The following ROBO2 variants were observed in gnomAD, a reference collection of about 807,000 sequenced individuals.
ROBO2 encodes the protein roundabout homolog 2.
Under a neutral mutation model 160.8 loss-of-function variants are expected in ROBO2, and 53 were observed. The observed-to-expected ratio is 0.33, with a 90% CI of 0.26 to 0.41. The LOEUF (loss-of-function observed/expected upper bound fraction) is 0.41. Ranked by LOEUF, ROBO2 falls within the 10% of genes least tolerant of loss-of-function variation. The pLI, the probability that ROBO2 is intolerant of heterozygous loss-of-function variation, is 1.00. For missense variants in ROBO2, 1,577 were observed against 1,722.4 expected (o/e 0.92, Z 1.49); for synonymous variants, 664 against 611.7 (o/e 1.09, Z -1.26).
chr3:76,115,190 A>G (rs1009236403), intron 2 of ROBO2, among the ~76,000 whole-genome samples: 3 of 152,116 alleles, frequency 2.0e-5, no homozygotes, highest in South Asian at 4.1e-4. Flanking sequence ...TAGTGGGGCA[A>G]TTTTAGTCTA....
At chr3:76,999,867 A>G (rs1357437078) in intron 2 of ROBO2, among the ~76,000 whole-genome samples, 1 of 152,152 alleles carries the variant, frequency 6.6e-6, no homozygotes, top group Non-Finnish European at 1.5e-5. Flanking sequence ...TGTCTGTTTC[A>G]TGTGTTGTTT....
At chr3:76,884,502 G>A (rs930137003) in intron 2 of ROBO2, among the ~76,000 whole-genome samples, 7 of 152,122 alleles carry the variant, frequency 4.6e-5, no homozygotes, top group Non-Finnish European at 1.0e-4. Context: ...GAGAAACCTT[G>A]CACAGAGGCC....
At chr3:77,206,349 T>C (rs1045762022) in intron 2 of ROBO2, among the ~76,000 whole-genome samples, 13 of 152,118 alleles carry the variant, frequency 8.5e-5, no homozygotes, top group Admixed American at 2.6e-4. Flanking sequence ...TTTGCATTTT[T>C]GGTGGAGACG....
chr3:76,848,448 C>T (rs946284411), intron 2 of ROBO2, among the ~76,000 whole-genome samples: 2 of 152,174 alleles, frequency 1.3e-5, no homozygotes, highest in Admixed American at 1.3e-4. Context: ...AAGAGATATG[C>T]ACACTTGGCT....
intron 2 of ROBO2, among the ~76,000 whole-genome samples, chr3:76,232,974 AAAG>A (rs1164959574): frequency 2.0e-5 from 3 of 152,152 alleles, no homozygotes; most frequent in Non-Finnish European, 4.4e-5. Context: ...CTCTCTTTCT[AAAG>A]AAGAACTGTC....
chr3:76,398,459 A>G (rs982582510), intron 2 of ROBO2, among the ~76,000 whole-genome samples: 2 of 151,968 alleles, frequency 1.3e-5, no homozygotes, highest in Non-Finnish European at 2.9e-5. Flanking sequence ...CATATACCCT[A>G]AAACTTAAAG....
At chr3:76,295,826 T>G (rs1709042139) in intron 2 of ROBO2, among the ~76,000 whole-genome samples, 1 of 152,168 alleles carries the variant, frequency 6.6e-6, no homozygotes, top group African/African-American at 2.4e-5. Flanking sequence ...AAAAATCAGG[T>G]GTTGAGTTTA....
chr3:76,215,497 G>T lies in ROBO2; in HGVS notation c.109+277895G>T, dbSNP rs1020979093. Among the ~76,000 whole-genome samples, 12 of 152,204 alleles carry T rather than the reference G, an allele frequency of 7.9e-5. No individual in the cohort carries two copies. In the South Asian group the frequency reaches 2.5e-3, roughly 32 times the overall value. Reference sequence around the variant, plus strand: ...GATGGAGCTAAAAATCAGGGCACGGGATCTACGTGACAAATGCAGAAGCCT... The same window carrying T: ...GATGGAGCTAAAAATCAGGGCACGGTATCTACGTGACAAATGCAGAAGCCT... On this transcript the variant is annotated intron_variant, in intron 2 of 26. Transcript: ENST00000487694.
intron 5 of ROBO2, among the ~76,000 whole-genome samples, chr3:77,503,988 C>T (rs1488109906): frequency 2.0e-5 from 3 of 152,154 alleles, no homozygotes; most frequent in Non-Finnish European, 4.4e-5. Context: ...TGATCCCCTT[C>T]AGTGAAGTCA....
At chr3:76,848,443 A>G (rs1207613860) in intron 2 of ROBO2, among the ~76,000 whole-genome samples, 1 of 152,166 alleles carries the variant, frequency 6.6e-6, no homozygotes, top group East Asian at 1.9e-4. Context: ...TTAGGAAGAG[A>G]TATGCACACT....
chr3:77,640,332 C>G (rs1027927252), intron 24 of ROBO2, among the ~76,000 whole-genome samples: 4 of 152,090 alleles, frequency 2.6e-5, no homozygotes, highest in African/African-American at 9.7e-5. Flanking sequence ...CCAGGATGGT[C>G]TCGATCTCTT....
chr3:76,740,081 AG>A (rs1463581661), intron 2 of ROBO2, among the ~76,000 whole-genome samples: 1 of 152,236 alleles, frequency 6.6e-6, no homozygotes, highest in East Asian at 1.9e-4. Context: ...ATTATTTTTA[AG>A]GAACAACTTT....
At chr3:77,042,272 T>C (rs541655215) in intron 1 of ROBO2, among the ~76,000 whole-genome samples, 17 of 152,318 alleles carry the variant, frequency 1.1e-4, no homozygotes, top group African/African-American at 3.1e-4. Context: ...TTATTTTTCA[T>C]GCATTTATTT....
At chr3:76,078,147 G>T (rs2068702803) in intron 2 of ROBO2, among the ~76,000 whole-genome samples, 1 of 152,150 alleles carries the variant, frequency 6.6e-6, no homozygotes, top group Non-Finnish European at 1.5e-5. Flanking sequence ...GGTAGCTAGA[G>T]GATCATAACA....
At chr3:76,069,546 G>T (rs1364434069) in intron 2 of ROBO2, among the ~76,000 whole-genome samples, 8 of 147,344 alleles carry the variant, frequency 5.4e-5, no homozygotes, top group Non-Finnish European at 8.9e-5. Context: ...TTTCCTGAAA[G>T]AAATAAATTA....
chr3:76,082,553 T>C (rs1182586262), intron 2 of ROBO2, among the ~76,000 whole-genome samples: 2 of 151,916 alleles, frequency 1.3e-5, no homozygotes, highest in Non-Finnish European at 2.9e-5. Flanking sequence ...TCAGAGAGAG[T>C]GACAAGTTAG....
intron 2 of ROBO2, among the ~76,000 whole-genome samples, chr3:77,234,356 A>G (rs2087643950): frequency 6.6e-6 from 1 of 152,170 alleles, no homozygotes; most frequent in Admixed American, 6.5e-5. Context: ...GTTCTAGGAG[A>G]GAGCAGTCAA....
At chr3:77,053,022 G>A (rs952299089) in intron 1 of ROBO2, among the ~76,000 whole-genome samples, 4 of 152,104 alleles carry the variant, frequency 2.6e-5, no homozygotes, top group African/African-American at 9.7e-5. Context: ...TTCAGCATAT[G>A]GGATTAAAAA....
intron 2 of ROBO2, among the ~76,000 whole-genome samples, chr3:76,549,266 G>T (rs1372109008): frequency 6.6e-6 from 1 of 151,978 alleles, no homozygotes; most frequent in East Asian, 1.9e-4. Context: ...CTGAGTTCTG[G>T]CAATGTGAAT....
Sources: gnomAD v4.1 joint callset for allele counts (sites outside exome capture counted in the v4.1 genomes callset) on GRCh38, gnomAD v4.1.1 for gene constraint, MANE v1.5 for transcripts, NCBI Gene and HGNC (gene_info 2026-07-23, HGNC 2026-07-21) for gene names.